MTERF4: variants seen among roughly 807,000 people sequenced by gnomAD.
MTERF4 encodes transcription termination factor 4, mitochondrial.
Under a neutral mutation model 22.5 loss-of-function variants are expected in MTERF4, and 17 were observed. The observed-to-expected ratio is 0.75, with a 90% confidence interval of 0.52 to 1.13. MTERF4 has a LOEUF of 1.13. MTERF4 is among the 50% of genes most tolerant of loss of function. The pLI is 0.00. For missense variants in MTERF4, 420 were observed against 466.8 expected, an observed-to-expected ratio of 0.90 and a Z score of 0.92; for synonymous variants, 165 against 175.3, an observed-to-expected ratio of 0.94 and a Z score of 0.47.
chr2:241,078,301 T>G (rs1249455150), intron 4 of MTERF4, among the ~76,000 whole-genome samples: 1 of 150,480 alleles, frequency 6.6e-6, no homozygotes, highest in African/African-American at 2.5e-5. Context: ...GAGAATCGCT[T>G]GAACCCGGGA....
At chr2:241,061,599 A>G in the MTERF4 span, among the ~76,000 whole-genome samples, 1 of 152,164 alleles carries the variant, frequency 6.6e-6, no homozygotes, top group African/African-American at 2.4e-5. Context: ...GTAAAAGCAA[A>G]AAGTCTAGGC....
Position 241,096,032 on chromosome 2 carries a change from T to C in MTERF4, c.1112A>G (p.Asn371Ser), listed in dbSNP as rs1370621600. The C allele has an allele frequency of 3.1e-6, 5 of 1,613,470 alleles. No individual in the cohort carries two copies. The highest frequency in any genetic ancestry group is 3.4e-6 in the Non-Finnish European group (4 of 1,179,898). ...CTCGTCGTCGTCCTCATCCTCATCATTGTCCTCCGCCTCGTCGTCGTCCTC... is the reference window on the plus strand; with the variant it reads ...CTCGTCGTCGTCCTCATCCTCATCACTGTCCTCCGCCTCGTCGTCGTCCTC... ...DDEDDDEAEDNDEDEDDDEEE is the reference protein window; with the variant it reads ...DDEDDDEAEDSDEDEDDDEEE Residue 371 changes from asparagine (N) to serine (S), a missense_variant, in exon 4 of 4, where the codon AAT becomes AGT. Physicochemically the swap from Asn to Ser is conservative, Grantham distance 46. Transcript: ENST00000391980. The surrounding 1 kb of genome is among the most constrained non-coding windows in gnomAD (Gnocchi z 5.1).
intron 4 of MTERF4, among the ~76,000 whole-genome samples, chr2:241,081,238 G>A (rs1261573526): frequency 6.6e-6 from 1 of 152,124 alleles, no homozygotes; most frequent in African/African-American, 2.4e-5. Flanking sequence ...GATCAAGTGA[G>A]CAGTAAGTCA....
At chr2:241,054,169 A>AC in the MTERF4 span, among the ~76,000 whole-genome samples, 12 of 151,430 alleles carry the variant, frequency 7.9e-5, no homozygotes, top group Non-Finnish European at 1.5e-4. Flanking sequence ...CTTGGAGATG[A>AC]CCCCCCCTCC....
At chr2:241,047,275 T>G in the MTERF4 span, among the ~76,000 whole-genome samples, 3 of 152,106 alleles carry the variant, frequency 2.0e-5, no homozygotes, top group Non-Finnish European at 4.4e-5. Flanking sequence ...AGGGACCTTT[T>G]ATAACGATAG....
chr2:241,099,773 T>A lies in MTERF4; in HGVS notation c.143A>T (p.Asn48Ile). 2 of 1,614,128 alleles carry A rather than the reference T, an allele frequency of 1.2e-6. No homozygotes were observed. The highest frequency in any genetic ancestry group is 1.7e-6 in the Non-Finnish European group (2 of 1,180,022). The change falls in exon 2 of 4, where the codon AAT (asparagine) becomes ATT (isoleucine). Residue 48 changes from asparagine to isoleucine, a missense_variant. Asn to Ile is a moderately radical substitution (Grantham distance 149). Transcript: ENST00000391980. Reference protein sequence around the residue: ...SLLRKLTTASNGGVIEELSCV... With the variant: ...SLLRKLTTASIGGVIEELSCV... Reference sequence around the variant, plus strand: ...AGATAACTCCTCAATGACCCCTCCATTGGAGGCTGTAGTCAGTTTGCGCAA... The same window carrying A: ...AGATAACTCCTCAATGACCCCTCCAATGGAGGCTGTAGTCAGTTTGCGCAA...
At chr2:241,060,939 C>A in the MTERF4 span, among the ~76,000 whole-genome samples, 4 of 151,406 alleles carry the variant, frequency 2.6e-5, no homozygotes, top group East Asian at 2.0e-4. Context: ...CAAAAAAAAA[C>A]AACCAAAAAA....
At chr2:241,072,380 G>A (rs955085173) in exon 5 of MTERF4, 9 of 366,738 alleles carry the variant, frequency 2.5e-5, no homozygotes, top group East Asian at 1.5e-4. Flanking sequence ...GGTGAGTGCC[G>A]CTCTGGGAAT....
chr2:241,071,718 C>CCCCCGGTAA, downstream of MTERF4: 1 of 1,503,692 alleles, frequency 6.7e-7, no homozygotes, highest in Non-Finnish European at 9.0e-7. Context: ...CCCAGCCCCC[C>CCCCCGGTAA]AGGTACATGC....
chr2:241,068,912 G>A (rs376698613), downstream of MTERF4: 5 of 1,548,792 alleles, frequency 3.2e-6, no homozygotes, highest in Admixed American at 3.9e-5. The surrounding 1 kb of genome is among the most constrained non-coding windows in gnomAD (Gnocchi z 5.3). Context: ...TGCCCACAGG[G>A]CCCTGCTGCC....
chr2:241,072,680 G>T (rs542982986), exon 5 of MTERF4: 1 of 204,478 alleles, frequency 4.9e-6, no homozygotes, highest in Non-Finnish European at 9.9e-6. Flanking sequence ...CCCCAGCAAG[G>T]TGTCTGAGGA....
downstream of MTERF4, chr2:241,068,011 G>A: frequency 6.9e-7 from 1 of 1,451,598 alleles, no homozygotes; most frequent in Non-Finnish European, 9.5e-7. This position sits in a 1 kb window ranked among gnomAD's most constrained non-coding sequence, Gnocchi z 5.3. Context: ...CGGGGACACG[G>A]GGCCCAGGTC....
chr2:241,089,356 T>C (rs1663437594), downstream of MTERF4: 2 of 1,550,652 alleles, frequency 1.3e-6, no homozygotes, highest in Non-Finnish European at 1.7e-6. Context: ...GTCTATGTTT[T>C]GTTACGTGCC....
the MTERF4 span, chr2:241,065,728 G>A: frequency 1.2e-6 from 1 of 812,112 alleles, no homozygotes; most frequent in Non-Finnish European, 1.9e-6. Context: ...AGACAGCTGA[G>A]CTGGGGGTTG....
At chr2:241,072,353 T>C (rs1487851102) in exon 5 of MTERF4, 1 of 379,540 alleles carries the variant, frequency 2.6e-6, no homozygotes, top group Non-Finnish European at 5.2e-6. Context: ...CTTGGGCCCT[T>C]CCCACCGGGT....
chr2:241,044,841 C>T, the MTERF4 span, among the ~76,000 whole-genome samples: 1 of 152,228 alleles, frequency 6.6e-6, no homozygotes, highest in South Asian at 2.1e-4. Flanking sequence ...GCCATGAATG[C>T]CATCATTATA....
chr2:241,042,908 G>A, the MTERF4 span, among the ~76,000 whole-genome samples: 4 of 152,270 alleles, frequency 2.6e-5, no homozygotes, highest in East Asian at 3.9e-4. Flanking sequence ...TGGAGTCTGC[G>A]AAGGAGGATG....
the MTERF4 span, among the ~76,000 whole-genome samples, chr2:241,047,617 G>A: frequency 2.0e-5 from 3 of 152,224 alleles, no homozygotes; most frequent in East Asian, 5.8e-4. Flanking sequence ...AATTAAACTA[G>A]AGATCAGCAG....
the MTERF4 span, among the ~76,000 whole-genome samples, chr2:241,058,071 A>G: frequency 1.1e-4 from 16 of 152,222 alleles, no homozygotes; most frequent in Admixed American, 9.8e-4. Context: ...TTCCTAAAAC[A>G]TAAGACTATA....
Sources: allele counts gnomAD v4.1 joint callset (sites outside exome capture counted in the v4.1 genomes callset), GRCh38; gene constraint gnomAD v4.1.1; non-coding constraint Gnocchi (gnomAD v3.1); transcripts MANE v1.5; gene names NCBI Gene and HGNC (gene_info 2026-07-23, HGNC 2026-07-21).